The following ADCY8 variants were observed in gnomAD, a reference collection of about 807,000 sequenced individuals.
ADCY8 encodes the protein adenylate cyclase type 8.
Under a neutral mutation model 119.7 loss-of-function variants are expected in ADCY8, and 51 were observed. The ratio of observed to expected loss-of-function variants is 0.43; its 90% CI spans 0.34 to 0.54. The LOEUF (loss-of-function observed/expected upper bound fraction) is 0.54. Ranked by LOEUF, ADCY8 falls within the 20% of genes least tolerant of loss-of-function variation. The pLI is 0.03. For missense variants in ADCY8, 1,383 were observed against 1,598.8 expected, an observed-to-expected ratio of 0.87 and a Z score of 2.30; for synonymous variants, 665 against 651.0, an observed-to-expected ratio of 1.02 and a Z score of -0.33.
chr8:130,944,601 T>C (rs75300069), intron 3 of ADCY8, among the ~76,000 whole-genome samples: 3,380 of 152,312 alleles, frequency 0.022, 61 homozygotes, highest in South Asian at 0.073. Flanking sequence ...ATTCATCTCC[T>C]TTACAAACCC....
At chr8:131,024,896 G>C (rs954166249) in intron 1 of ADCY8, among the ~76,000 whole-genome samples, 11 of 152,134 alleles carry the variant, frequency 7.2e-5, no homozygotes, top group African/African-American at 2.4e-4. Flanking sequence ...TGTTCTATAA[G>C]AATTGTCATT....
At chr8:131,007,511 C>T (rs1002528902) in intron 1 of ADCY8, among the ~76,000 whole-genome samples, 2 of 152,122 alleles carry the variant, frequency 1.3e-5, no homozygotes, top group African/African-American at 4.8e-5. Context: ...CTCTCCCCCA[C>T]CAAAAAAATT....
intron 7 of ADCY8, among the ~76,000 whole-genome samples, chr8:130,899,538 G>T (rs192087762): frequency 4.5e-4 from 69 of 152,130 alleles, no homozygotes; most frequent in African/African-American, 1.6e-3. Context: ...CCCGGGAGGC[G>T]GAGGTTGCAG....
intron 7 of ADCY8, among the ~76,000 whole-genome samples, chr8:130,900,423 C>T (rs1819559812): frequency 6.6e-6 from 1 of 152,102 alleles, no homozygotes; most frequent in African/African-American, 2.4e-5. Flanking sequence ...TCTTGGAAAC[C>T]CAGAGCCACC....
chr8:130,920,144 TAAAA>T (rs71304399), intron 5 of ADCY8, among the ~76,000 whole-genome samples: 2 of 99,812 alleles, frequency 2.0e-5, no homozygotes, highest in Admixed American at 1.2e-4. Context: ...CTCCGTTTCT[TAAAA>T]AAAAAAAAAA....
intron 2 of ADCY8, among the ~76,000 whole-genome samples, chr8:130,988,171 A>G (rs1278569155): frequency 6.6e-6 from 1 of 152,236 alleles, no homozygotes; most frequent in Non-Finnish European, 1.5e-5. Flanking sequence ...TTTTTCTGCC[A>G]GACTACACTG....
intron 5 of ADCY8, among the ~76,000 whole-genome samples, chr8:130,927,326 G>T (rs897231719): frequency 1.3e-5 from 2 of 152,028 alleles, no homozygotes; most frequent in African/African-American, 4.8e-5. Context: ...GTTTTTATTT[G>T]CATTTCCCTG....
intron 9 of ADCY8, among the ~76,000 whole-genome samples, chr8:130,854,215 G>A (rs1817633195): frequency 6.6e-6 from 1 of 152,134 alleles, no homozygotes; most frequent in African/African-American, 2.4e-5. Flanking sequence ...AGGCATCCAG[G>A]GGTTCTGAAT....
At chr8:130,806,602 G>T (rs895914950) in intron 14 of ADCY8, among the ~76,000 whole-genome samples, 1 of 152,160 alleles carries the variant, frequency 6.6e-6, no homozygotes, top group East Asian at 1.9e-4. Flanking sequence ...AGCCCAAAAG[G>T]AGTGAGCTCG....
intron 7 of ADCY8, among the ~76,000 whole-genome samples, chr8:130,891,121 TGGGAGCAC>T (rs1312364005): frequency 1.3e-5 from 2 of 152,140 alleles, no homozygotes. Context: ...CAACCTATTC[TGGGAGCAC>T]GCTTCCATTA....
intron 15 of ADCY8, among the ~76,000 whole-genome samples, chr8:130,797,141 G>A (rs1377996446): frequency 1.3e-5 from 2 of 152,184 alleles, no homozygotes; most frequent in African/African-American, 2.4e-5. Context: ...TCCAACCTGC[G>A]GCCCACTGGC....
At chr8:130,906,621 C>A (rs185922639) in intron 6 of ADCY8, among the ~76,000 whole-genome samples, 1 of 152,104 alleles carries the variant, frequency 6.6e-6, no homozygotes, top group East Asian at 1.9e-4. Flanking sequence ...AAGACATTTG[C>A]AGATGAGATT....
chr8:130,866,852 A>G (rs1818141717), intron 9 of ADCY8, among the ~76,000 whole-genome samples: 1 of 152,134 alleles, frequency 6.6e-6, no homozygotes. Context: ...GAGACAATCC[A>G]TGGAAAAGAT....
chr8:130,929,485 T>C (rs1326607077), intron 5 of ADCY8, among the ~76,000 whole-genome samples: 1 of 152,212 alleles, frequency 6.6e-6, no homozygotes, highest in Non-Finnish European at 1.5e-5. Context: ...TATACCCTTG[T>C]GGTCAGAAAA....
At chr8:130,994,398 C>T (rs969512574) in intron 1 of ADCY8, among the ~76,000 whole-genome samples, 1 of 152,188 alleles carries the variant, frequency 6.6e-6, no homozygotes, top group African/African-American at 2.4e-5. Context: ...ATCAATTTGA[C>T]GTTTGTCCTT....
intron 6 of ADCY8, 117 bp from the exon 7 acceptor site, chr8:130,904,159 C>T: frequency 9.8e-7 from 1 of 1,023,120 alleles, no homozygotes; most frequent in South Asian, 1.6e-5. Flanking sequence ...TAGGACATGT[C>T]CTCAGGGACA....
chr8:130,839,607 G>A (rs1817081438), intron 11 of ADCY8, among the ~76,000 whole-genome samples: 1 of 140,444 alleles, frequency 7.1e-6, no homozygotes, highest in Non-Finnish European at 1.6e-5. Flanking sequence ...CCCATAAATT[G>A]CATGTGTCCT....
chr8:131,039,433 G>A lies in ADCY8; in HGVS notation c.901C>T (p.Leu301=), dbSNP rs1824278418. 6.8e-6 allele frequency: 11 copies of A among 1,614,080 alleles called. No homozygotes were observed. Among genetic ancestry groups the A allele is most frequent in the Non-Finnish European group, 9.3e-6 (11 of 1,180,056 alleles). ...WAILAGLGTS[L]LQVILQVVIP... ...ACCACTTGGAGGATGACCTGCAGCAGCGAGGTGCCCAGGCCGGCCAGGATG... is the reference window on the plus strand; with the variant it reads ...ACCACTTGGAGGATGACCTGCAGCAACGAGGTGCCCAGGCCGGCCAGGATG... Residue 301 remains leucine (L), a synonymous_variant, in exon 1 of 18, where the codon CTG becomes TTG. Transcript: ENST00000286355.
Position 130,937,135 on chromosome 8 carries a change from C to T in ADCY8, c.1419G>A (p.Glu473=). 6.2e-7 allele frequency: 1 copy of T among 1,613,822 alleles called. No individual in the cohort carries two copies. The highest frequency in any genetic ancestry group is 8.5e-7 in the Non-Finnish European group (1 of 1,179,858). ...AGCAGTGGGCATGGTCCTGGCGGGG[C>T]TCAGGAAGTCCAGACACGCAGTAGT... ...DCYYCVSGLP[E]PRQDHAHCCV... The change falls in exon 5 of 18, where the codon GAG becomes GAA. Residue 473 remains glutamate (E), a synonymous_variant. Coordinates refer to ENST00000286355, the MANE Select transcript of ADCY8 (RefSeq NM_001115.3).
Sources: gnomAD v4.1 joint callset for allele counts (sites outside exome capture counted in the v4.1 genomes callset) on GRCh38, gnomAD v4.1.1 for gene constraint, MANE v1.5 for transcripts, NCBI Gene and HGNC (gene_info 2026-07-23, HGNC 2026-07-21) for gene names.